Variants in SH3KBP1 observed in about 807,000 individuals in gnomAD.
SH3KBP1 encodes SH3 domain-containing kinase-binding protein 1.
In SH3KBP1, 8 loss-of-function variants were observed where a neutral mutation model predicts 50.1. The observed-to-expected ratio is 0.16, with a 90% confidence interval of 0.09 to 0.29. SH3KBP1 has a LOEUF of 0.29. Among genes scored for constraint, SH3KBP1 ranks in the 10% least tolerant of loss-of-function variants. The probability of loss-of-function intolerance (pLI) is 1.00; values close to 1 mark genes in which losing one functional copy is unlikely to be tolerated. For missense variants in SH3KBP1, 377 were observed against 535.2 expected (o/e 0.70, Z 2.92); for synonymous variants, 227 against 218.6 (o/e 1.04, Z -0.34).
At chrX:19,680,815 T>C (rs982728266) in intron 6 of SH3KBP1, among the ~76,000 whole-genome samples, 1 of 111,795 alleles carries the variant, frequency 8.9e-6, no homozygotes, top group African/African-American at 3.3e-5. Flanking sequence ...CAAATCCTCT[T>C]AGATGTTGTA....
At chrX:19,795,966 A>G (rs1187651562) in intron 2 of SH3KBP1, among the ~76,000 whole-genome samples, 3 of 111,906 alleles carry the variant, frequency 2.7e-5, no homozygotes, top group Non-Finnish European at 3.8e-5. Context: ...CACCTACACT[A>G]ATGTCCCTCA....
intron 9 of SH3KBP1, among the ~76,000 whole-genome samples, chrX:19,597,070 C>A (rs2066926266): frequency 9.0e-6 from 1 of 111,083 alleles, no homozygotes; most frequent in Non-Finnish European, 1.9e-5. Flanking sequence ...TCCCCAGATC[C>A]ATCAGAGGAA....
intron 5 of SH3KBP1, among the ~76,000 whole-genome samples, chrX:19,689,824 C>T (rs972856031): frequency 1.8e-5 from 2 of 111,871 alleles, no homozygotes; most frequent in Admixed American, 9.5e-5. Context: ...ATTTGCTCAT[C>T]GTTCTTCATT....
chrX:19,838,098 C>CA (rs772561307), intron 1 of SH3KBP1, among the ~76,000 whole-genome samples: 10 of 106,436 alleles, frequency 9.4e-5, no homozygotes, highest in African/African-American at 3.8e-4. Flanking sequence ...ACAACAACAA[C>CA]AAACCAACTT....
At chrX:19,675,695 C>A (rs184717657) in intron 6 of SH3KBP1, among the ~76,000 whole-genome samples, 1 of 111,917 alleles carries the variant, frequency 8.9e-6, no homozygotes, top group Non-Finnish European at 1.9e-5. Context: ...CCCGGCCAAC[C>A]ACTATACTCT....
intron 3 of SH3KBP1, among the ~76,000 whole-genome samples, chrX:19,715,546 A>G (rs1470001547): frequency 9.0e-6 from 1 of 111,639 alleles, no homozygotes; most frequent in Admixed American, 9.5e-5. Flanking sequence ...CAGCCTGGGC[A>G]TCTGGATTTT....
At chrX:19,864,309 GAAC>G (rs1266684126) in intron 1 of SH3KBP1, among the ~76,000 whole-genome samples, 4 of 110,129 alleles carry the variant, frequency 3.6e-5, no homozygotes, top group East Asian at 2.8e-4. Flanking sequence ...TGGATTGGCA[GAAC>G]AACACCCCCC....
At chrX:19,751,280 G>T (rs2065057982) in intron 2 of SH3KBP1, among the ~76,000 whole-genome samples, 1 of 111,696 alleles carries the variant, frequency 9.0e-6, no homozygotes, top group South Asian at 3.8e-4. Context: ...CCGAGGTTCT[G>T]ATCCAGGTCA....
At chrX:19,868,118 T>G (rs1031087987) in intron 1 of SH3KBP1, among the ~76,000 whole-genome samples, 5 of 112,205 alleles carry the variant, frequency 4.5e-5, no homozygotes, top group African/African-American at 1.6e-4. Context: ...AGGTGATTAT[T>G]GCACACAAGG....
chrX:19,766,222 C>T (rs978913802), intron 2 of SH3KBP1, among the ~76,000 whole-genome samples: 1 of 110,404 alleles, frequency 9.1e-6, no homozygotes, highest in African/African-American at 3.3e-5. Context: ...GTATGAGGTG[C>T]AATCTCACTG....
At chrX:19,683,203 C>T (rs764535221) in intron 6 of SH3KBP1, 27 of 305,392 alleles carry the variant, frequency 8.8e-5, no homozygotes, top group South Asian at 5.3e-4. Flanking sequence ...GTGGTAACCG[C>T]GTACTCAGCA....
chrX:19,663,652 T>C (rs1342885433), intron 6 of SH3KBP1, among the ~76,000 whole-genome samples: 1 of 112,128 alleles, frequency 8.9e-6, no homozygotes, highest in African/African-American at 3.2e-5. Flanking sequence ...TAGGTTTCGG[T>C]TGGTTATCTA....
chrX:19,547,371 C>T lies in SH3KBP1; in HGVS notation c.1495-1321G>A, dbSNP rs535521292. On this transcript the variant is annotated intron_variant, in intron 14 of 17. Coordinates refer to ENST00000397821, the MANE Select transcript of SH3KBP1 (RefSeq NM_031892.3). Reference sequence around the variant, plus strand: ...TCTACCCTGGTGGTAGAAAAACAGTCCCATTTAAAATCACCACTTGGCGTC... The same window carrying T: ...TCTACCCTGGTGGTAGAAAAACAGTTCCATTTAAAATCACCACTTGGCGTC... Among the ~76,000 whole-genome samples the T allele has an allele frequency of 5.0e-4, 56 of 111,618 alleles. 1 individual carries two copies. The South Asian group carries it at 0.019, about 39-fold the overall frequency.
chrX:19,643,316 T>A lies in SH3KBP1; in HGVS notation c.802+2084A>T, dbSNP rs1028119839. ...AACTGAAGAATTTTTTATTTTTTTT[T>A]TTTTTATTTTTTTTTTTTTTTGAGA... On this transcript the variant is annotated intron_variant, in intron 7 of 17. Transcript: ENST00000397821. 1.4e-3 allele frequency among the ~76,000 whole-genome samples: 123 copies of A among 86,805 alleles called. 2 individuals carry two copies. The highest frequency in any genetic ancestry group is 1.3e-3 in the Non-Finnish European group (64 of 48,700). The allele number at this position is 86,805 out of a possible 115,157, so 75.4% of individuals were successfully genotyped here.
At chrX:19,558,906 G>C (rs2065575847) in intron 13 of SH3KBP1, among the ~76,000 whole-genome samples, 1 of 111,363 alleles carries the variant, frequency 9.0e-6, no homozygotes, top group South Asian at 3.7e-4. Flanking sequence ...AGATGGTTTG[G>C]TATCAACTCT....
chrX:19,769,284 C>A (rs774837413), intron 2 of SH3KBP1, among the ~76,000 whole-genome samples: 2 of 104,971 alleles, frequency 1.9e-5, no homozygotes, highest in East Asian at 5.9e-4. Flanking sequence ...CTTTTTTTTT[C>A]GTAGAGACAG....
rs1224231959 is a variant in SH3KBP1 at position 19,670,842 on chromosome X, A to AAAAAAAAAAAAAAG, written c.726+12980_726+12981insCTTTTTTTTTTTTT. On this transcript the variant is annotated intron_variant, in intron 6 of 17. Transcript: ENST00000397821. ...GGATTTATTACAACTCTAAAAGCAA[A>AAAAAAAAAAAAAAG]AAAAAAAAAAAAGAAATACCTCTTC... The AAAAAAAAAAAAAAG allele has an allele frequency of 1.2e-5, 10 of 844,589 alleles. 1 individual carries two copies. The African/African-American group carries it at 1.8e-4, about 15-fold the overall frequency. 69.6% of individuals were successfully genotyped at this position (844,589 alleles called of 1,213,427 possible). A position where few individuals can be genotyped will look rare whatever the true frequency, so the allele number is the denominator to read the frequency against.
intron 12 of SH3KBP1, among the ~76,000 whole-genome samples, chrX:19,584,169 AT>A (rs1303330246): frequency 6.4e-5 from 6 of 94,090 alleles, no homozygotes; most frequent in Non-Finnish European, 1.0e-4. Flanking sequence ...ATTTATATAT[AT>A]TTATATATAA....
chrX:19,796,073 G>A (rs183712276), intron 2 of SH3KBP1, among the ~76,000 whole-genome samples: 11 of 111,949 alleles, frequency 9.8e-5, no homozygotes, highest in Admixed American at 8.5e-4. Context: ...GAATACAAGA[G>A]GGCATCACAC....
Sources: allele counts gnomAD v4.1 joint callset (sites outside exome capture counted in the v4.1 genomes callset), GRCh38; gene constraint gnomAD v4.1.1; transcripts MANE v1.5; gene names NCBI Gene and HGNC (gene_info 2026-07-23, HGNC 2026-07-21).